Variants in GJA5 observed in about 807,000 individuals in gnomAD.
GJA5 encodes gap junction alpha-5 protein.
In GJA5, 3 loss-of-function variants were observed where a neutral mutation model predicts 7.9. That is an observed-to-expected ratio of 0.38 (90% CI 0.17 to 0.99). The LOEUF (loss-of-function observed/expected upper bound fraction) is 0.99. Ranked by LOEUF, GJA5 falls within the 50% of genes least tolerant of loss-of-function variation. GJA5 has a pLI of 0.38. For synonymous variants in GJA5, 193 were observed against 181.0 expected, an observed-to-expected ratio of 1.07 and a Z score of -0.53; for missense variants, 390 against 457.9, an observed-to-expected ratio of 0.85 and a Z score of 1.35.
Position 147,756,329 on chromosome 1 carries a change from CAG to C in GJA5, c.*1831_*1832del, listed in dbSNP as rs1663731363. 1 of 152,194 alleles carries C rather than the reference CAG, an allele frequency of 6.6e-6. No individual in the cohort carries two copies. The highest frequency in any genetic ancestry group is 6.5e-5 in the Admixed American group (1 of 15,278). The allele number at this position is 152,194 out of a possible 1,614,324, so 9.4% of individuals were successfully genotyped here. A position where few individuals can be genotyped will look rare whatever the true frequency, so the allele number is the denominator to read the frequency against. On this transcript the variant is annotated 3_prime_UTR_variant, in exon 2 of 2. Transcript: ENST00000579774. ...AGAACACTCATTTCATAAAACATTT[CAG>C]AGATAGAAGGAGAGAAAATATTAAT...
In GJA5 at chr1:147,758,951, G is replaced by A. The variant is rs375921833; in HGVS notation, c.288C>T (p.Ala96=). 1.2e-6 allele frequency: 2 copies of A among 1,614,230 alleles called. No individual in the cohort carries two copies. The highest frequency in any genetic ancestry group is 8.5e-7 in the Non-Finnish European group (1 of 1,180,040). ...TCTCCTGCATGCGCACAGTGTGCAT[G>A]GCGTGGCCCATGTACACCAGAGAGG... is the stretch of plus-strand genomic sequence containing the variant. ...STPSLVYMGH[A]MHTVRMQEKR... Residue 96 remains alanine, a synonymous_variant, in exon 2 of 2, where the codon GCC becomes GCT. Coordinates refer to ENST00000579774, the MANE Select transcript of GJA5 (RefSeq NM_181703.4).
At chr1:147,760,937 G>A (rs587656596), upstream of GJA5, among the ~76,000 whole-genome samples, 9 of 152,226 alleles carry the variant, frequency 5.9e-5, no homozygotes, top group South Asian at 8.3e-4. Flanking sequence ...CTGGTGAACA[G>A]GAGGGAGACT....
chr1:147,764,112 A>C (rs1391181897), upstream of GJA5, among the ~76,000 whole-genome samples: 1 of 152,098 alleles, frequency 6.6e-6, no homozygotes, highest in Non-Finnish European at 1.5e-5. Context: ...TGCCCGGCCC[A>C]GTGCTCCTTC....
At chr1:147,770,900 A>G (rs947581136) in intron 1 of GJA5, among the ~76,000 whole-genome samples, 2 of 152,344 alleles carry the variant, frequency 1.3e-5, no homozygotes, top group East Asian at 1.9e-4. Context: ...CTTCCTTTCC[A>G]GGAACCCTGA....
chr1:147,758,420 A>G lies in GJA5; in HGVS notation c.819T>C (p.Asn273=), dbSNP rs1195162737. 1 of 1,614,028 alleles carries G rather than the reference A, an allele frequency of 6.2e-7. No homozygotes were observed. The highest frequency in any genetic ancestry group is 8.5e-7 in the Non-Finnish European group (1 of 1,180,010). Reference sequence around the variant, plus strand: ...GATTGAAGAATTTTCCCCCAGGGCCATTCTCCAGGCACTGATTAAAGTCGG... The same window carrying G: ...GATTGAAGAATTTTCCCCCAGGGCCGTTCTCCAGGCACTGATTAAAGTCGG... ...PPPDFNQCLE[N]GPGGKFFNPF... is the part of the protein sequence containing the mutation. Residue 273 remains asparagine, a synonymous_variant, in exon 2 of 2, where the codon AAT becomes AAC. Coordinates refer to ENST00000579774, the MANE Select transcript of GJA5 (RefSeq NM_181703.4).
chr1:147,757,999 C>T lies in GJA5; in HGVS notation c.*163G>A. ...TCACCTCTCTTACTATCCCAGAGCC[C>T]TGGTTATAGTTTCTAGAATTAATGA... On this transcript the variant is annotated 3_prime_UTR_variant, in exon 2 of 2. Transcript: ENST00000579774. The T allele has an allele frequency of 3.1e-6, 2 of 643,548 alleles. No homozygotes were observed. The highest frequency in any genetic ancestry group is 5.5e-6 in the Non-Finnish European group (2 of 361,916). The allele number at this position is 643,548 out of a possible 1,614,324, so 39.9% of individuals were successfully genotyped here. A position where few individuals can be genotyped will look rare whatever the true frequency, so the allele number is the denominator to read the frequency against.
chr1:147,759,413 C>T, intron 1 of GJA5, 142 bp from the exon 2 acceptor site: 2 of 600,690 alleles, frequency 3.3e-6, no homozygotes, highest in South Asian at 4.2e-5. Flanking sequence ...TCAAAGCAAC[C>T]AACGAAAAGC....
At position 147,758,196 on chromosome 1, in the gene GJA5, C is replaced by T; in HGVS notation, c.1043G>A (p.Ser348Asn). The T allele has an allele frequency of 6.2e-7, 1 of 1,614,026 alleles. No homozygotes were observed. Among genetic ancestry groups the T allele is most frequent in the East Asian group, 2.2e-5 (1 of 44,870 alleles). Reference protein sequence around the residue: ...HSDKRRLSKASSKARSDDLSV With the variant: ...HSDKRRLSKANSKARSDDLSV ...TAGGTCATCTGACCTTGCCTTGCTG[C>T]TGGCCTTACTAAGACGTCGCTTGTC... is the stretch of plus-strand genomic sequence containing the variant. Residue 348 changes from serine (S) to asparagine (N), a missense_variant, in exon 2 of 2, where the codon AGC becomes AAC. Ser to Asn is a conservative substitution (Grantham distance 46). Around this residue, in one of 2 missense-constraint regions of GJA5, gnomAD observed 354 missense variants for 370.9 expected, o/e 0.95. Coordinates refer to ENST00000579774, the MANE Select transcript of GJA5 (RefSeq NM_181703.4).
intron 1 of GJA5, among the ~76,000 whole-genome samples, chr1:147,772,142 C>T (rs926085073): frequency 2.0e-5 from 3 of 152,120 alleles, no homozygotes; most frequent in Admixed American, 1.3e-4. Context: ...ACTCCCTGTT[C>T]GGTGCTCTTT....
chr1:147,758,689 C>T lies in GJA5; in HGVS notation c.550G>A (p.Val184Ile). 6.2e-7 allele frequency: 1 copy of T among 1,614,194 alleles called. No individual in the cohort carries two copies. Among genetic ancestry groups the T allele is most frequent in the Non-Finnish European group, 8.5e-7 (1 of 1,180,016 alleles). Reference sequence around the variant, plus strand: ...TGGGGACAGGGACTCCTGCGGCAGACATGCAGGGTGGTCAGGAAGATTCCG... The same window carrying T: ...TGGGGACAGGGACTCCTGCGGCAGATATGCAGGGTGGTCAGGAAGATTCCG... ...IYGIFLTTLH[V>I]CRRSPCPHPV... Residue 184 changes from valine (V) to isoleucine (I), a missense_variant, in exon 2 of 2, where the codon GTC (valine) becomes ATC (isoleucine). Val to Ile is a conservative substitution (Grantham distance 29). Around this residue, in one of 2 missense-constraint regions of GJA5, gnomAD observed 354 missense variants for 370.9 expected, o/e 0.95. Transcript: ENST00000579774.
rs782110728 is a variant in GJA5, at chr1:147,758,509, G to A, written c.730C>T (p.His244Tyr). The A allele has an allele frequency of 2.0e-5, 32 of 1,614,024 alleles. No individual in the cohort carries two copies. The highest frequency in any genetic ancestry group is 4.0e-5 in the African/African-American group (3 of 74,934). ...CCAGAAAGCTGGCACTTAGCCATGT[G>A]CTGCCGCGGTTTGACAAATCGCTGT... ...IRQRFVKPRQ[H>Y]MAKCQLSGPS... Residue 244 changes from histidine to tyrosine, a missense_variant, in exon 2 of 2, where the codon CAC becomes TAC. Physicochemically the swap from His to Tyr is moderately conservative, Grantham distance 83. Coordinates refer to ENST00000579774, the MANE Select transcript of GJA5 (RefSeq NM_181703.4).
upstream of GJA5, among the ~76,000 whole-genome samples, chr1:147,764,301 G>C (rs1011799289): frequency 2.0e-5 from 3 of 152,186 alleles, no homozygotes; most frequent in Admixed American, 2.0e-4. Flanking sequence ...CCAGAAGACT[G>C]AGCATCTGGT....
At chr1:147,771,345 G>C (rs965577042) in intron 1 of GJA5, among the ~76,000 whole-genome samples, 4 of 152,168 alleles carry the variant, frequency 2.6e-5, no homozygotes, top group African/African-American at 7.2e-5. Flanking sequence ...CCAGCCGGGG[G>C]ATGGACATTA....
Position 147,758,685 on chromosome 1 carries a change from C to T in GJA5, c.554G>A (p.Cys185Tyr). 6.2e-7 allele frequency: 1 copy of T among 1,614,156 alleles called. No homozygotes were observed. Among genetic ancestry groups the T allele is most frequent in the Non-Finnish European group, 8.5e-7 (1 of 1,180,002 alleles). Residue 185 changes from cysteine (C) to tyrosine (Y), a missense_variant, in exon 2 of 2, where the codon TGC (cysteine) becomes TAC (tyrosine). Cys to Tyr is a radical substitution (Grantham distance 194). Around this residue, in one of 2 missense-constraint regions of GJA5, gnomAD observed 354 missense variants for 370.9 expected, o/e 0.95. Transcript: ENST00000579774. ...CGGGTGGGGACAGGGACTCCTGCGG[C>T]AGACATGCAGGGTGGTCAGGAAGAT... ...YGIFLTTLHVCRRSPCPHPVN... is the reference protein window; with the variant it reads ...YGIFLTTLHVYRRSPCPHPVN...
chr1:147,757,135 G>A lies in GJA5; in HGVS notation c.*1027C>T, dbSNP rs1204020580. ...CATTTTTATTTTCATCTTCACAGCA[G>A]AATTTTTTTTTCCACAAGGGGAATC... is the stretch of plus-strand genomic sequence containing the variant. On this transcript the variant is annotated 3_prime_UTR_variant, in exon 2 of 2. Transcript: ENST00000579774. 1 of 152,162 alleles carries A rather than the reference G, an allele frequency of 6.6e-6. No individual in the cohort carries two copies. 9.4% of individuals were successfully genotyped at this position (152,162 alleles called of 1,614,324 possible). A position where few individuals can be genotyped will look rare whatever the true frequency, so the allele number is the denominator to read the frequency against.
rs1382739576 is a variant in GJA5 at position 147,758,351 on chromosome 1, C to T, written c.888G>A (p.Leu296=). The T allele has an allele frequency of 2.5e-6, 4 of 1,613,988 alleles. No homozygotes were observed. Among genetic ancestry groups the T allele is most frequent in the Non-Finnish European group, 3.4e-6 (4 of 1,180,012 alleles). ...NMASQQNTDN[L]VTEQVRGQEQ... ...CCTGACCTCGTACTTGCTCGGTGACCAGGTTGTCTGTGTTTTGTTGGGAGG... is the reference window on the plus strand; with the variant it reads ...CCTGACCTCGTACTTGCTCGGTGACTAGGTTGTCTGTGTTTTGTTGGGAGG... Residue 296 remains leucine, a synonymous_variant, in exon 2 of 2, where the codon CTG becomes CTA. Transcript: ENST00000579774.
At position 147,758,108 on chromosome 1, in the gene GJA5, C is replaced by T; in HGVS notation, c.*54G>A. 8.2e-7 allele frequency: 1 copy of T among 1,212,768 alleles called. No homozygotes were observed. The highest frequency in any genetic ancestry group is 1.2e-6 in the Non-Finnish European group (1 of 814,052). 75.1% of individuals were successfully genotyped at this position (1,212,768 alleles called of 1,614,324 possible). On this transcript the variant is annotated 3_prime_UTR_variant, in exon 2 of 2. Transcript: ENST00000579774. ...ATCAGTTCAGAAGGGACACGTCTTTCCTCTCTGAGCCTCCTTTGTTCCCAC... is the reference window on the plus strand; with the variant it reads ...ATCAGTTCAGAAGGGACACGTCTTTTCTCTCTGAGCCTCCTTTGTTCCCAC...
Position 147,770,291 on chromosome 1 carries a change from T to G in GJA5, c.-34+2961A>C, listed in dbSNP as rs114677378. Among the ~76,000 whole-genome samples the G allele has an allele frequency of 3.3e-3, 504 of 152,310 alleles. 2 individuals are homozygous for G. Among genetic ancestry groups the G allele is most frequent in the African/African-American group, 0.011 (462 of 41,568 alleles). On this transcript the variant is annotated intron_variant, in intron 1 of 1. Coordinates refer to the GJA5 transcript ENST00000430508. Reference sequence around the variant, plus strand: ...TTTGCTCACATGTGAAACAAAAGTGTAGAGGCTCTTCCATCTCTAAGTTAG... The same window carrying G: ...TTTGCTCACATGTGAAACAAAAGTGGAGAGGCTCTTCCATCTCTAAGTTAG...
intron 1 of GJA5, among the ~76,000 whole-genome samples, chr1:147,759,967 G>A (rs1435509881): frequency 6.6e-6 from 1 of 152,122 alleles, no homozygotes; most frequent in Non-Finnish European, 1.5e-5. Context: ...GAAGCACTCT[G>A]CAAAAATCAG....
Sources: allele counts gnomAD v4.1 joint callset (sites outside exome capture counted in the v4.1 genomes callset), GRCh38; gene constraint gnomAD v4.1.1; regional missense constraint gnomAD v4.1.1; transcripts MANE v1.5; gene names NCBI Gene and HGNC (gene_info 2026-07-23, HGNC 2026-07-21).